The following CHST9 variants were observed in gnomAD, a reference collection of about 807,000 sequenced individuals.
CHST9 encodes the protein GalNAc-4-sulfotransferase 2.
CHST9 carries 41 observed loss-of-function variants against 44.4 expected under a neutral mutation model. The ratio of observed to expected loss-of-function variants is 0.92; its 90% CI spans 0.72 to 1.20. The LOEUF (loss-of-function observed/expected upper bound fraction) is 1.20, where lower values mean the gene tolerates loss of function less well. Ranked by LOEUF, CHST9 falls within the 50% of genes most tolerant of loss-of-function variation. The probability of loss-of-function intolerance (pLI) is 0.00; values close to 1 mark genes in which losing one functional copy is unlikely to be tolerated. For synonymous variants in CHST9, 171 were observed against 178.4 expected, an observed-to-expected ratio of 0.96 and a Z score of 0.33; for missense variants, 504 against 516.5, an observed-to-expected ratio of 0.98 and a Z score of 0.23.
intron 2 of CHST9, among the ~76,000 whole-genome samples, chr18:27,096,810 G>A (rs576161022): frequency 6.6e-6 from 1 of 151,852 alleles, no homozygotes; most frequent in Non-Finnish European, 1.5e-5. Context: ...CGAAAAAAAA[G>A]CCTCAAGCCA....
chr18:26,973,772 T>C (rs377580915), intron 4 of CHST9, among the ~76,000 whole-genome samples: 29 of 152,170 alleles, frequency 1.9e-4, no homozygotes, highest in African/African-American at 6.8e-4. Flanking sequence ...TATATTCTAA[T>C]GACCTGGTTT....
intron 2 of CHST9, among the ~76,000 whole-genome samples, chr18:27,141,721 G>A (rs868565891): frequency 6.7e-6 from 1 of 148,350 alleles, no homozygotes; most frequent in African/African-American, 2.5e-5. Flanking sequence ...GATTCTTAAG[G>A]GTTTTATATC....
intron 4 of CHST9, among the ~76,000 whole-genome samples, chr18:26,963,200 C>T (rs2056422426): frequency 1.3e-5 from 2 of 152,098 alleles, no homozygotes; most frequent in Non-Finnish European, 2.9e-5. Flanking sequence ...GAGTTCTTTC[C>T]ACTGTCTCAA....
At chr18:26,941,670 C>G (rs988160244) in intron 5 of CHST9, among the ~76,000 whole-genome samples, 3 of 152,128 alleles carry the variant, frequency 2.0e-5, no homozygotes, top group African/African-American at 7.2e-5. Flanking sequence ...TCATCCCATT[C>G]TAGAACAGAG....
At chr18:27,175,103 T>C (rs2058858439) in intron 1 of CHST9, among the ~76,000 whole-genome samples, 1 of 152,098 alleles carries the variant, frequency 6.6e-6, no homozygotes, top group Non-Finnish European at 1.5e-5. Context: ...TTATACCTTG[T>C]TTGAATCTTT....
intron 4 of CHST9, among the ~76,000 whole-genome samples, chr18:27,008,330 G>T (rs1222740010): frequency 6.6e-6 from 1 of 152,182 alleles, no homozygotes; most frequent in Admixed American, 6.5e-5. Flanking sequence ...TTACTTCAGA[G>T]AACTGACCTA....
At chr18:26,984,041 G>A (rs776988198) in intron 4 of CHST9, among the ~76,000 whole-genome samples, 10 of 152,084 alleles carry the variant, frequency 6.6e-5, no homozygotes, top group South Asian at 2.1e-4. Flanking sequence ...AAATATAAAA[G>A]TGTCCTTTTT....
At chr18:27,139,613 A>G (rs2143860592) in intron 2 of CHST9, among the ~76,000 whole-genome samples, 1 of 152,208 alleles carries the variant, frequency 6.6e-6, no homozygotes, top group Middle Eastern at 3.4e-3. Flanking sequence ...TTCTTAAAGA[A>G]TATTACAGTT....
At position 27,156,003 on chromosome 18, in the gene CHST9, G is replaced by A. The variant is rs200849609; in HGVS notation, c.-96-13098C>T. Among the ~76,000 whole-genome samples the A allele has an allele frequency of 2.0e-5, 3 of 151,978 alleles. No homozygotes were observed. In the East Asian group the frequency reaches 5.8e-4, roughly 29 times the overall value. On this transcript the variant is annotated intron_variant, in intron 1 of 5. Coordinates refer to ENST00000618847, the MANE Select transcript of CHST9 (RefSeq NM_031422.6). The stretch of plus-strand genomic sequence containing the variant: ...ATAATTCAAAGGAAAAGATCATGAA[G>A]TAGGAAACATATTATAAAAAACGTG...
chr18:26,945,645 A>G (rs1470101258), intron 4 of CHST9, among the ~76,000 whole-genome samples: 1 of 152,154 alleles, frequency 6.6e-6, no homozygotes, highest in African/African-American at 2.4e-5. Flanking sequence ...GATGTGCCAA[A>G]GTTTGTTTAG....
At chr18:26,994,146 A>T (rs1391228545) in intron 4 of CHST9, among the ~76,000 whole-genome samples, 1 of 152,230 alleles carries the variant, frequency 6.6e-6, no homozygotes, top group African/African-American at 2.4e-5. Flanking sequence ...CTCAAAATAC[A>T]ATCACATTCT....
chr18:27,065,949 A>G (rs2057777887), intron 2 of CHST9, among the ~76,000 whole-genome samples: 1 of 152,182 alleles, frequency 6.6e-6, no homozygotes, highest in African/African-American at 2.4e-5. Context: ...CTAGGAGGTA[A>G]AACATGGAGT....
At chr18:26,953,066 C>T (rs1598589519) in intron 4 of CHST9, among the ~76,000 whole-genome samples, 1 of 152,196 alleles carries the variant, frequency 6.6e-6, no homozygotes, top group Admixed American at 6.5e-5. Flanking sequence ...TTATTATTAG[C>T]CTTTCACTTC....
intron 2 of CHST9, among the ~76,000 whole-genome samples, chr18:27,094,297 CA>C (rs1161633202): frequency 6.6e-6 from 1 of 152,042 alleles, no homozygotes; most frequent in Non-Finnish European, 1.5e-5. Flanking sequence ...ATAAAGAAAA[CA>C]AAATCTTATT....
intron 2 of CHST9, among the ~76,000 whole-genome samples, chr18:27,134,667 A>G (rs1567931543): frequency 6.6e-6 from 1 of 152,176 alleles, no homozygotes; most frequent in Non-Finnish European, 1.5e-5. Flanking sequence ...TGAGTTTTTA[A>G]AAGGTGGGGT....
At chr18:27,091,284 C>A (rs137900146) in intron 2 of CHST9, among the ~76,000 whole-genome samples, 10,317 of 152,144 alleles carry the variant, frequency 0.068, 443 homozygotes, top group East Asian at 0.14. Context: ...GTAATTTTTG[C>A]ACATTGATTT....
chr18:26,922,793 A>G (rs1418704372), intron 5 of CHST9, among the ~76,000 whole-genome samples: 2 of 151,720 alleles, frequency 1.3e-5, no homozygotes, highest in Non-Finnish European at 2.9e-5. Context: ...ATGCCACCAC[A>G]CCCGGCTAAT....
chr18:27,169,966 G>A (rs2058821943), intron 1 of CHST9, among the ~76,000 whole-genome samples: 1 of 152,024 alleles, frequency 6.6e-6, no homozygotes, highest in Non-Finnish European at 1.5e-5. Context: ...ACATATATCA[G>A]CAGTATGAGT....
intron 2 of CHST9, among the ~76,000 whole-genome samples, chr18:27,105,161 A>G (rs577919295): frequency 2.0e-5 from 3 of 152,162 alleles, no homozygotes; most frequent in Non-Finnish European, 4.4e-5. Flanking sequence ...TTAAAAAATA[A>G]TTTATTACTA....
Sources: gnomAD v4.1 joint callset for allele counts (sites outside exome capture counted in the v4.1 genomes callset) on GRCh38, gnomAD v4.1.1 for gene constraint, MANE v1.5 for transcripts, NCBI Gene and HGNC (gene_info 2026-07-23, HGNC 2026-07-21) for gene names.